Variants in WDPCP observed in about 807,000 individuals in gnomAD.
WDPCP encodes WD repeat-containing and planar cell polarity effector protein fritz homolog.
In WDPCP, 71 loss-of-function variants were observed where a neutral mutation model predicts 93.1. That is an observed-to-expected ratio of 0.76 (90% CI 0.63 to 0.93). The LOEUF is 0.93. Ranked by LOEUF, WDPCP falls within the 40% of genes least tolerant of loss-of-function variation. WDPCP has a pLI of 0.00. For synonymous variants in WDPCP, 315 were observed against 315.0 expected, an observed-to-expected ratio of 1.00 and a Z score of 0.00; for missense variants, 844 against 887.4, an observed-to-expected ratio of 0.95 and a Z score of 0.62.
chr2:63,397,966 C>T (rs943592701), intron 10 of WDPCP, among the ~76,000 whole-genome samples: 2 of 152,044 alleles, frequency 1.3e-5, no homozygotes, highest in Admixed American at 1.3e-4. Context: ...TGTTTATCTG[C>T]TGCTGTTCCA....
chr2:63,386,010 A>C (rs1692702411), intron 10 of WDPCP, among the ~76,000 whole-genome samples: 1 of 152,044 alleles, frequency 6.6e-6, no homozygotes, highest in Non-Finnish European at 1.5e-5. Flanking sequence ...TGCTGGAACA[A>C]TAAATATTTA....
chr2:63,378,504 G>A lies in WDPCP; in HGVS notation c.1630C>T (p.Leu544Phe). The A allele has an allele frequency of 6.2e-7, 1 of 1,613,048 alleles. No individual in the cohort carries two copies. The highest frequency in any genetic ancestry group is 8.5e-7 in the Non-Finnish European group (1 of 1,179,320). ...QKLTPEREAQ[L>F]ETSLGTFYAP... ...TAGAAGGTTCCAAGGCTTGTCTCAA[G>A]CTGTGCTGTGGAATTCAAACATAGC... The change falls in exon 12 of 18, where the codon CTT becomes TTT. Residue 544 changes from leucine (L) to phenylalanine (F), a missense_variant. Transcript: ENST00000272321.
At chr2:63,722,070 G>T (rs1157754531) in intron 2 of WDPCP, among the ~76,000 whole-genome samples, 1 of 152,048 alleles carries the variant, frequency 6.6e-6, no homozygotes, top group Admixed American at 6.5e-5. Context: ...GCGTGATCTC[G>T]GCTCGCTACA....
At chr2:63,464,583 C>T (rs1180714209) in intron 6 of WDPCP, among the ~76,000 whole-genome samples, 1 of 151,894 alleles carries the variant, frequency 6.6e-6, no homozygotes, top group Non-Finnish European at 1.5e-5. Context: ...TATTTGCACA[C>T]TCATCTTCAT....
intron 2 of WDPCP, among the ~76,000 whole-genome samples, chr2:63,713,873 C>T (rs530618924): frequency 1.3e-5 from 2 of 152,204 alleles, no homozygotes; most frequent in South Asian, 4.1e-4. Flanking sequence ...CTCAGAGAAA[C>T]AACATGGCAA....
intron 2 of WDPCP, among the ~76,000 whole-genome samples, chr2:63,669,513 C>A (rs1277550619): frequency 6.6e-6 from 1 of 151,926 alleles, no homozygotes; most frequent in African/African-American, 2.4e-5. Flanking sequence ...GTACGTGCCA[C>A]CATGCCCAGC....
At chr2:63,528,265 G>C (rs910425097) in intron 1 of WDPCP, among the ~76,000 whole-genome samples, 45 of 152,082 alleles carry the variant, frequency 3.0e-4, no homozygotes, top group Admixed American at 2.4e-3. Context: ...CATTGCTTTT[G>C]GTGTTTTAGA....
At chr2:63,800,095 C>T (rs1298005032) in intron 2 of WDPCP, among the ~76,000 whole-genome samples, 1 of 152,102 alleles carries the variant, frequency 6.6e-6, no homozygotes, top group Non-Finnish European at 1.5e-5. Flanking sequence ...ATCTCAACAT[C>T]TAAGAGTCTT....
Position 63,259,327 on chromosome 2 carries a change from T to C in WDPCP, c.1895A>G (p.Glu632Gly). Residue 632 changes from glutamate (E) to glycine (G), a missense_variant, in exon 14 of 18, where the codon GAA (glutamate) becomes GGA (glycine). By Grantham distance (98) the Glu-to-Gly change is moderately conservative (BLOSUM62 -2). Transcript: ENST00000272321. The part of the protein sequence containing the change: ...ARKRASDIDA[E>G]SITSGVELLG... Reference sequence around the variant, plus strand: ...CTTACCAACCCCAGAGGTTATTGATTCTGCATCAATGTCACTAGCTCTTTT... The same window carrying C: ...CTTACCAACCCCAGAGGTTATTGATCCTGCATCAATGTCACTAGCTCTTTT... 6.2e-7 allele frequency: 1 copy of C among 1,612,668 alleles called. No homozygotes were observed. The highest frequency in any genetic ancestry group is 1.3e-5 in the African/African-American group (1 of 75,008).
At position 63,340,164 on chromosome 2, in the gene WDPCP, A is replaced by G. The variant is rs1688734152; in HGVS notation, c.1749-26853T>C. ...TTTATTGAATATATTTGCTTAGCCT[A>G]TCTTTACTGGTAGGTCACTGCCTCC... On this transcript the variant is annotated intron_variant, in intron 12 of 17. Transcript: ENST00000272321. Among the ~76,000 whole-genome samples the G allele has an allele frequency of 2.0e-5, 3 of 152,184 alleles. No homozygotes were observed. In the South Asian group the frequency reaches 6.2e-4, roughly 32 times the overall value.
intron 15 of WDPCP, chr2:63,168,607 G>C (rs562672492): frequency 2.9e-4 from 44 of 152,238 alleles, no homozygotes; most frequent in African/African-American, 9.9e-4. Flanking sequence ...TCTGAGGTAT[G>C]TGTTTCCTTT....
At chr2:63,148,442 C>G (rs909782858) in intron 17 of WDPCP, among the ~76,000 whole-genome samples, 1 of 152,146 alleles carries the variant, frequency 6.6e-6, no homozygotes, top group Non-Finnish European at 1.5e-5. Context: ...TGGGTTGAAA[C>G]GATTCTTGTG....
At chr2:63,686,726 T>C (rs1668809962) in intron 2 of WDPCP, among the ~76,000 whole-genome samples, 1 of 152,122 alleles carries the variant, frequency 6.6e-6, no homozygotes, top group African/African-American at 2.4e-5. Context: ...AACAAACACA[T>C]AGACTAAAGG....
At chr2:63,248,646 C>T (rs1680474326) in intron 14 of WDPCP, among the ~76,000 whole-genome samples, 1 of 152,136 alleles carries the variant, frequency 6.6e-6, no homozygotes, top group Admixed American at 6.6e-5. Flanking sequence ...TCTGGGACTC[C>T]CATAATGTAT....
chr2:63,427,018 G>T lies in WDPCP; in HGVS notation c.825+6727C>A, dbSNP rs370808537. Among the ~76,000 whole-genome samples, 16 of 152,212 alleles carry T rather than the reference G, an allele frequency of 1.1e-4. No individual in the cohort carries two copies. The South Asian group carries it at 3.3e-3, about 32-fold the overall frequency. ...TATTACATAATAACAATAAAAAAAG[G>T]TTCGATTCAACAAGATGATCTAACT... On this transcript the variant is annotated intron_variant, in intron 9 of 17. Transcript: ENST00000272321.
Position 63,588,304 on chromosome 2 carries a change from G to C in WDPCP, c.-33C>G. 2 of 1,560,514 alleles carry C rather than the reference G, an allele frequency of 1.3e-6. No homozygotes were observed. Among genetic ancestry groups the C allele is most frequent in the Non-Finnish European group, 1.7e-6 (2 of 1,150,490 alleles). On this transcript the variant is annotated 5_prime_UTR_variant, in exon 1 of 18. Coordinates refer to ENST00000272321, the MANE Select transcript of WDPCP (RefSeq NM_015910.7). ...CACTACCCCGGGCAGAAGGTTCCTA[G>C]GCTAGGTCCTCGGACCCGAGAGGGA...
chr2:63,805,979 G>A (rs1017547509), intron 2 of WDPCP, among the ~76,000 whole-genome samples: 1 of 152,066 alleles, frequency 6.6e-6, no homozygotes, highest in African/African-American at 2.4e-5. Context: ...AATTAGCCAG[G>A]CGTGGTGGTG....
At chr2:63,595,576 G>A in intron 3 of WDPCP, 1 of 1,122,154 alleles carries the variant, frequency 8.9e-7, no homozygotes, top group Non-Finnish European at 1.3e-6. Flanking sequence ...CAAAATACAG[G>A]TTTTAGGTTT....
At chr2:63,655,055 C>T (rs1710150811) in intron 2 of WDPCP, among the ~76,000 whole-genome samples, 1 of 152,164 alleles carries the variant, frequency 6.6e-6, no homozygotes, top group South Asian at 2.1e-4. Context: ...CAGACTTTCA[C>T]CATCTCAGCT....
Sources: allele counts gnomAD v4.1 joint callset (sites outside exome capture counted in the v4.1 genomes callset), GRCh38; gene constraint gnomAD v4.1.1; transcripts MANE v1.5; gene names NCBI Gene and HGNC (gene_info 2026-07-23, HGNC 2026-07-21).